ADORA2A: variants seen among roughly 807,000 people sequenced by gnomAD.
The protein encoded by ADORA2A is adenosine receptor A2a.
A neutral mutation model predicts 18.4 loss-of-function variants in ADORA2A; 11 were observed. That is an observed-to-expected ratio of 0.60 (90% CI 0.38 to 0.99). The LOEUF (loss-of-function observed/expected upper bound fraction) is 0.99. Among genes scored for constraint, ADORA2A ranks in the 50% least tolerant of loss-of-function variants. ADORA2A has a pLI of 0.01. For missense variants in ADORA2A, 449 were observed against 556.1 expected, an observed-to-expected ratio of 0.81 and a Z score of 1.94; for synonymous variants, 218 against 237.3, an observed-to-expected ratio of 0.92 and a Z score of 0.75.
chr22:24,425,337 A>ACCCCCCCCCCCCCCCCCCCC (rs398036656), upstream of ADORA2A, among the ~76,000 whole-genome samples: 137 of 82,352 alleles, frequency 1.7e-3, 12 homozygotes, highest in Middle Eastern at 0.011. Context: ...TGTGGGCAGC[A>ACCCCCCCCCCCCCCCCCCCC]CCCCCCCCCC....
chr22:24,431,878 GC>G (rs1315044056), intron 1 of ADORA2A, among the ~76,000 whole-genome samples: 1 of 152,168 alleles, frequency 6.6e-6, no homozygotes, highest in Non-Finnish European at 1.5e-5. Context: ...CTCTGGGGGA[GC>G]CATTTTAAAT....
chr22:24,428,575 T>C (rs1219715575), intron 1 of ADORA2A, among the ~76,000 whole-genome samples: 1 of 152,260 alleles, frequency 6.6e-6, no homozygotes, highest in African/African-American at 2.4e-5. Context: ...CTTTGCCTCT[T>C]TGGAGATTCT....
intron 2 of ADORA2A, among the ~76,000 whole-genome samples, chr22:24,437,728 G>A (rs2043214926): frequency 6.6e-6 from 1 of 152,186 alleles, no homozygotes; most frequent in South Asian, 2.1e-4. Context: ...TGTATGTTTT[G>A]TTTCTGTCCC....
rs189551023 is a variant in ADORA2A, at chr22:24,436,076, T to G, written c.332+2340T>G. ...GGGGAGGCCAGAGCAGGGAAGGACATACGAGTGTCTCCTGATGTGGATGGA... is the reference window on the plus strand; with the variant it reads ...GGGGAGGCCAGAGCAGGGAAGGACAGACGAGTGTCTCCTGATGTGGATGGA... On this transcript the variant is annotated intron_variant, in intron 2 of 2. Transcript: ENST00000337539. Among the ~76,000 whole-genome samples, 268 of 152,342 alleles carry G rather than the reference T, an allele frequency of 1.8e-3. 1 individual carries two copies. The highest frequency in any genetic ancestry group is 3.4e-3 in the Admixed American group (52 of 15,312).
intron 2 of ADORA2A, among the ~76,000 whole-genome samples, chr22:24,437,377 T>C (rs1346682853): frequency 6.6e-6 from 1 of 152,138 alleles, no homozygotes; most frequent in Admixed American, 6.5e-5. Context: ...GATGTGAGTG[T>C]GTTGGTCACA....
chr22:24,436,145 C>CT (rs1370741125), intron 2 of ADORA2A, among the ~76,000 whole-genome samples: 3 of 152,228 alleles, frequency 2.0e-5, no homozygotes, highest in Non-Finnish European at 4.4e-5. Context: ...GGTCCCTTCG[C>CT]TTTCCTGTTC....
Position 24,441,387 on chromosome 22 carries a change from C to T in ADORA2A, c.1137C>T (p.Gly379=). 1 of 1,568,996 alleles carries T rather than the reference C, an allele frequency of 6.4e-7. No individual in the cohort carries two copies. Among genetic ancestry groups the T allele is most frequent in the Non-Finnish European group, 8.6e-7 (1 of 1,158,306 alleles). The change falls in exon 3 of 3, where the codon GGC becomes GGT. Residue 379 remains glycine (G), a synonymous_variant. Transcript: ENST00000337539. ...CCCAAGAGTCCCAGGGGAACACGGG[C>T]CTCCCAGACGTGGAGCTCCTTAGCC... ...GSAQESQGNT[G]LPDVELLSHE...
At chr22:24,427,580 A>G (rs1207430624), upstream of ADORA2A, 2 of 152,350 alleles carry the variant, frequency 1.3e-5, no homozygotes, top group Non-Finnish European at 2.9e-5. Flanking sequence ...TGTACATGTG[A>G]GCAGCCGCGT....
At chr22:24,430,286 G>A (rs1243876836) in intron 1 of ADORA2A, 4 of 150,098 alleles carry the variant, frequency 2.7e-5, no homozygotes, top group Non-Finnish European at 5.9e-5. Context: ...GACGGGCAGC[G>A]AGGTGGCCTG....
At position 24,441,087 on chromosome 22, in the gene ADORA2A, C is replaced by A; in HGVS notation, c.837C>A (p.Thr279=). Residue 279 remains threonine, a synonymous_variant, in exon 3 of 3, where the codon ACC becomes ACA. Transcript: ENST00000337539. ...LMYLAIVLSH[T]NSVVNPFIYA... ...ACCTGGCCATCGTCCTCTCCCACAC[C>A]AATTCGGTTGTGAATCCCTTCATCT... 1 of 1,614,176 alleles carries A rather than the reference C, an allele frequency of 6.2e-7. No individual in the cohort carries two copies. Among genetic ancestry groups the A allele is most frequent in the Non-Finnish European group, 8.5e-7 (1 of 1,180,050 alleles).
chr22:24,442,350 C>T lies in ADORA2A; in HGVS notation c.*861C>T, dbSNP rs2043361339. The T allele has an allele frequency of 6.5e-6, 1 of 152,816 alleles. No individual in the cohort carries two copies. The highest frequency in any genetic ancestry group is 1.5e-5 in the Non-Finnish European group (1 of 68,040). The allele number at this position is 152,816 out of a possible 1,614,324, so 9.5% of individuals were successfully genotyped here. ...GAGCCACATCGTGTTTTAAGCTTGT[C>T]CAAATGAGAATGGCGTCTGAGTTCG... On this transcript the variant is annotated 3_prime_UTR_variant, in exon 3 of 3. Transcript: ENST00000337539.
upstream of ADORA2A, among the ~76,000 whole-genome samples, chr22:24,427,191 G>A (rs996586335): frequency 6.6e-6 from 1 of 152,176 alleles, no homozygotes; most frequent in African/African-American, 2.4e-5. Context: ...GTCCCTCAGT[G>A]GCCTCTGCAA....
chr22:24,440,001 C>A (rs2043295395), intron 2 of ADORA2A, among the ~76,000 whole-genome samples: 1 of 152,104 alleles, frequency 6.6e-6, no homozygotes, highest in African/African-American at 2.4e-5. Flanking sequence ...GTCCCCAAGT[C>A]AAATGGCAAA....
upstream of ADORA2A, among the ~76,000 whole-genome samples, chr22:24,426,830 C>G (rs1237585264): frequency 6.6e-6 from 1 of 152,296 alleles, no homozygotes; most frequent in Non-Finnish European, 1.5e-5. Flanking sequence ...CTGCTAGAAT[C>G]TCTCGATACC....
At position 24,441,963 on chromosome 22, in the gene ADORA2A, G is replaced by C. The variant is rs1216640667; in HGVS notation, c.*474G>C. Reference sequence around the variant, plus strand: ...TGACTTTTTTCCAGGAAAAATGTAAGTGTGAGGAAACCCTTTTTATTTTAT... The same window carrying C: ...TGACTTTTTTCCAGGAAAAATGTAACTGTGAGGAAACCCTTTTTATTTTAT... On this transcript the variant is annotated 3_prime_UTR_variant, in exon 3 of 3. Transcript: ENST00000337539. 1 of 155,060 alleles carries C rather than the reference G, an allele frequency of 6.4e-6. No homozygotes were observed. The highest frequency in any genetic ancestry group is 2.4e-5 in the African/African-American group (1 of 41,552). 9.6% of individuals were successfully genotyped at this position (155,060 alleles called of 1,614,324 possible).
intron 1 of ADORA2A, chr22:24,431,391 C>G (rs1237080095): frequency 2.2e-5 from 10 of 456,662 alleles, no homozygotes; most frequent in South Asian, 1.5e-4. Flanking sequence ...CAATCCTGTT[C>G]CAGCCACTTG....
intron 1 of ADORA2A, chr22:24,429,271 C>G (rs1056373794): frequency 6.6e-6 from 1 of 152,302 alleles, no homozygotes; most frequent in Non-Finnish European, 1.5e-5. Context: ...AGGCAGGAAG[C>G]AGCAGCAGTT....
chr22:24,431,012 G>A, intron 1 of ADORA2A: 1 of 402,116 alleles, frequency 2.5e-6, no homozygotes, highest in Non-Finnish European at 5.1e-6. Flanking sequence ...CTGTTGGGCA[G>A]GGGCTATCGT....
chr22:24,436,410 T>A (rs5996697), intron 2 of ADORA2A, among the ~76,000 whole-genome samples: 4,381 of 151,838 alleles, frequency 0.029, 185 homozygotes, highest in South Asian at 0.12. Flanking sequence ...ACTTTTTTTT[T>A]AAAAAAAAGA....
Sources: gnomAD v4.1 joint callset for allele counts (sites outside exome capture counted in the v4.1 genomes callset) on GRCh38, gnomAD v4.1.1 for gene constraint, MANE v1.5 for transcripts, NCBI Gene and HGNC (gene_info 2026-07-23, HGNC 2026-07-21) for gene names.